Variants in KDM3A observed in about 807,000 individuals in gnomAD.
The protein encoded by KDM3A is lysine-specific demethylase 3A.
Under a neutral mutation model 158.0 loss-of-function variants are expected in KDM3A, and 60 were observed. The ratio of observed to expected loss-of-function variants is 0.38; its 90% CI spans 0.31 to 0.47. The LOEUF (loss-of-function observed/expected upper bound fraction) is 0.47, where lower values mean the gene tolerates loss of function less well. KDM3A is among the 20% of genes least tolerant of loss of function. The pLI, the probability that KDM3A is intolerant of heterozygous loss-of-function variation, is 0.99. For missense variants in KDM3A, 1,319 were observed against 1,574.3 expected, an observed-to-expected ratio of 0.84 and a Z score of 2.74; for synonymous variants, 608 against 549.3, an observed-to-expected ratio of 1.11 and a Z score of -1.49.
intron 12 of KDM3A, 74 bp downstream of exon 12, chr2:86,475,064 A>C (rs1673601641): frequency 5.9e-6 from 7 of 1,196,208 alleles, no homozygotes; most frequent in Non-Finnish European, 8.4e-6. Context: ...CCTAAGTCCT[A>C]ATTGCTTGGG....
chr2:86,487,495 C>T (rs1025165215), intron 21 of KDM3A: 1 of 152,084 alleles, frequency 6.6e-6, no homozygotes, highest in African/African-American at 2.4e-5. Context: ...CCTGCAACAC[C>T]CCCCATTTTG....
At chr2:86,479,307 A>G (rs1375558239) in intron 15 of KDM3A, 1 of 152,138 alleles carries the variant, frequency 6.6e-6, no homozygotes. Context: ...AGTATGCCGC[A>G]TTGTGTTTAA....
chr2:86,478,548 T>C (rs1294522236), intron 14 of KDM3A, 60 bp from the exon 15 acceptor site: 13 of 1,579,992 alleles, frequency 8.2e-6, no homozygotes, highest in Admixed American at 6.8e-5. Context: ...TGCTCTGTAA[T>C]GTTGAGGTTG....
chr2:86,453,187 T>A (rs1236662215), intron 4 of KDM3A, among the ~76,000 whole-genome samples: 2 of 152,210 alleles, frequency 1.3e-5, no homozygotes, highest in African/African-American at 4.8e-5. Flanking sequence ...GCTGTGGGGC[T>A]GTGAGCCATC....
intron 2 of KDM3A, among the ~76,000 whole-genome samples, chr2:86,442,885 G>A (rs990541909): frequency 6.6e-6 from 1 of 152,140 alleles, no homozygotes; most frequent in Non-Finnish European, 1.5e-5. Context: ...GACTGGCTTA[G>A]AAATACTGCA....
chr2:86,458,426 A>G (rs1249699893), intron 8 of KDM3A, among the ~76,000 whole-genome samples: 2 of 152,236 alleles, frequency 1.3e-5, no homozygotes, highest in East Asian at 3.8e-4. Context: ...TAGTCTTACT[A>G]CCTTTCATTT....
At chr2:86,446,649 G>A (rs191782642) in intron 2 of KDM3A, among the ~76,000 whole-genome samples, 2 of 152,178 alleles carry the variant, frequency 1.3e-5, no homozygotes, top group Non-Finnish European at 1.5e-5. Context: ...GGCAGAGGAT[G>A]CAGTGAGCTG....
chr2:86,467,845 A>AC (rs765250374), intron 10 of KDM3A, among the ~76,000 whole-genome samples: 11 of 152,032 alleles, frequency 7.2e-5, no homozygotes, highest in Non-Finnish European at 1.5e-4. Flanking sequence ...ACATAGTGAG[A>AC]CCCCATCTCC....
chr2:86,481,853 A>G, intron 16 of KDM3A, 77 bp from the exon 17 acceptor site: 1 of 1,114,060 alleles, frequency 9.0e-7, no homozygotes, highest in South Asian at 1.4e-5. Flanking sequence ...TTCTAAAGTA[A>G]TTCTGCTAGT....
intron 18 of KDM3A, 25 bp downstream of exon 18, chr2:86,482,719 G>A (rs747077021): frequency 1.2e-6 from 2 of 1,609,596 alleles, no homozygotes; most frequent in Non-Finnish European, 1.7e-6. Context: ...CCATCCTCCT[G>A]CCCTATTCAG....
At position 86,457,048 on chromosome 2, in the gene KDM3A, A is replaced by T; in HGVS notation, c.820A>T (p.Lys274Ter). The T allele has an allele frequency of 6.3e-7, 1 of 1,592,256 alleles. No individual in the cohort carries two copies. The highest frequency in any genetic ancestry group is 8.6e-7 in the Non-Finnish European group (1 of 1,166,214). Residue 274 changes from lysine (K) to a stop codon, truncating the protein, a stop_gained, in exon 8 of 26, where the codon AAA becomes TAA. Transcript: ENST00000312912. LOFTEE classifies it high-confidence loss of function. ...SSENNGTLVS[K>*]QAKSCSEASP... ...TGAGAATAATGGAACCCTGGTTTCC[A>T]AACAAGCAAAATCTTGCTCTGAGGT...
At chr2:86,443,708 T>C (rs2104617544) in intron 2 of KDM3A, among the ~76,000 whole-genome samples, 1 of 152,316 alleles carries the variant, frequency 6.6e-6, no homozygotes, top group East Asian at 1.9e-4. Flanking sequence ...TCAAGAGCTA[T>C]GCCACAGCAG....
intron 19 of KDM3A, among the ~76,000 whole-genome samples, chr2:86,484,360 G>C (rs1674084285): frequency 6.6e-6 from 1 of 152,174 alleles, no homozygotes; most frequent in African/African-American, 2.4e-5. Context: ...GTTGGTCTTT[G>C]TTGTCCCTGG....
chr2:86,459,046 T>C (rs139392757), intron 8 of KDM3A, among the ~76,000 whole-genome samples: 61 of 152,232 alleles, frequency 4.0e-4, no homozygotes, highest in Middle Eastern at 3.4e-3. Flanking sequence ...CACAGGAATC[T>C]AGCTAATGAA....
Position 86,491,920 on chromosome 2 carries a change from C to T in KDM3A, c.3886-119C>T, listed in dbSNP as rs965324032. Reference sequence around the variant, plus strand: ...CCTTTTGCAATGTTGACATTTCATACGAATATTGAATTTTAAATTCTGAGA... The same window carrying T: ...CCTTTTGCAATGTTGACATTTCATATGAATATTGAATTTTAAATTCTGAGA... On this transcript the variant is annotated intron_variant, in intron 25 of 25. Coordinates refer to ENST00000312912, the MANE Select transcript of KDM3A (RefSeq NM_018433.6). 1.0e-5 allele frequency: 7 copies of T among 678,378 alleles called. No individual in the cohort carries two copies. The East Asian group carries it at 1.1e-4, about 11-fold the overall frequency. The allele number at this position is 678,378 out of a possible 1,614,324, so 42.0% of individuals were successfully genotyped here.
At chr2:86,486,975 C>T (rs1268541501) in intron 21 of KDM3A, 1 of 152,356 alleles carries the variant, frequency 6.6e-6, no homozygotes. Flanking sequence ...CTTCTCAGGT[C>T]TCTGTTGGTG....
chr2:86,470,477 T>C (rs1573182760), intron 11 of KDM3A, 69 bp downstream of exon 11: 3 of 1,300,640 alleles, frequency 2.3e-6, no homozygotes, highest in Non-Finnish European at 3.3e-6. Flanking sequence ...TGGCATACTT[T>C]TGTTACTCTT....
rs748212163 is a variant in KDM3A at position 86,491,039 on chromosome 2, G to A, written c.3732G>A (p.Pro1244=). 1.2e-5 allele frequency: 20 copies of A among 1,613,470 alleles called. No homozygotes were observed. In the Middle Eastern group the frequency reaches 4.9e-4, roughly 40 times the overall value. Reference sequence around the variant, plus strand: ...TTCTTGGGGATGTGGTGTTTATCCCGGCAGGAGCTCCACATCAGGCAAGAA... The same window carrying A: ...TTCTTGGGGATGTGGTGTTTATCCCAGCAGGAGCTCCACATCAGGCAAGAA... ...VQFLGDVVFI[P]AGAPHQVHNL... Residue 1244 remains proline (P), a synonymous_variant, in exon 24 of 26, where the codon CCG becomes CCA. Transcript: ENST00000312912.
intron 20 of KDM3A, among the ~76,000 whole-genome samples, chr2:86,485,328 A>T (rs1052168840): frequency 4.6e-5 from 7 of 152,224 alleles, no homozygotes; most frequent in African/African-American, 1.4e-4. Flanking sequence ...GCAGTTGTGG[A>T]ATCTGACCTG....
Sources: gnomAD v4.1 joint callset for allele counts (sites outside exome capture counted in the v4.1 genomes callset) on GRCh38, gnomAD v4.1.1 for gene constraint, MANE v1.5 for transcripts, NCBI Gene and HGNC (gene_info 2026-07-23, HGNC 2026-07-21) for gene names.